The following ANGPT1 variants were observed in gnomAD, a reference collection of about 807,000 sequenced individuals.
ANGPT1 encodes the protein angiopoietin-1.
In ANGPT1, 17 loss-of-function variants were observed where a neutral mutation model predicts 62.2. That is an observed-to-expected ratio of 0.27 (90% CI 0.19 to 0.41). The LOEUF (loss-of-function observed/expected upper bound fraction) is 0.41, where lower values mean the gene tolerates loss of function less well. Ranked by LOEUF, ANGPT1 falls within the 10% of genes least tolerant of loss-of-function variation. The probability of loss-of-function intolerance (pLI) is 1.00; values close to 1 mark genes in which losing one functional copy is unlikely to be tolerated. For missense variants in ANGPT1, 478 were observed against 594.9 expected (o/e 0.80, Z 2.04); for synonymous variants, 199 against 198.9 (o/e 1.00, Z 0.00).
chr8:107,378,440 T>C (rs1273062047), intron 1 of ANGPT1, among the ~76,000 whole-genome samples: 1 of 152,176 alleles, frequency 6.6e-6, no homozygotes, highest in Non-Finnish European at 1.5e-5. Flanking sequence ...AGAAAGAAGG[T>C]ATTATGTACC....
intron 1 of ANGPT1, among the ~76,000 whole-genome samples, chr8:107,484,476 A>C (rs754510263): frequency 6.6e-6 from 1 of 152,092 alleles, no homozygotes; most frequent in Admixed American, 6.6e-5. Flanking sequence ...ATCCCAGCTC[A>C]CTGCAGCCTC....
intron 7 of ANGPT1, among the ~76,000 whole-genome samples, chr8:107,273,651 A>G (rs2130081320): frequency 6.6e-6 from 1 of 152,058 alleles, no homozygotes; most frequent in Admixed American, 6.6e-5. Flanking sequence ...GCCATTAACT[A>G]CCATACTTGC....
intron 5 of ANGPT1, among the ~76,000 whole-genome samples, chr8:107,298,042 T>C (rs1220912144): frequency 6.6e-6 from 1 of 151,904 alleles, no homozygotes; most frequent in African/African-American, 2.4e-5. Flanking sequence ...CTATTGCATT[T>C]ATTGATCATA....
At chr8:107,330,123 T>C (rs1440944906) in intron 3 of ANGPT1, among the ~76,000 whole-genome samples, 1 of 152,174 alleles carries the variant, frequency 6.6e-6, no homozygotes, top group Admixed American at 6.5e-5. Context: ...ATGTCTGAAA[T>C]AACATCATGT....
intron 7 of ANGPT1, among the ~76,000 whole-genome samples, chr8:107,277,197 T>G (rs1813886875): frequency 6.6e-6 from 1 of 152,266 alleles, no homozygotes; most frequent in East Asian, 1.9e-4. Flanking sequence ...GAGGATTTAC[T>G]AATTAAGTTA....
At chr8:107,356,980 T>C (rs1816060284) in intron 1 of ANGPT1, among the ~76,000 whole-genome samples, 1 of 152,182 alleles carries the variant, frequency 6.6e-6, no homozygotes, top group African/African-American at 2.4e-5. Context: ...TATACAAACA[T>C]ACACACAAAT....
intron 1 of ANGPT1, among the ~76,000 whole-genome samples, chr8:107,476,367 T>A (rs1035091139): frequency 6.6e-6 from 1 of 151,942 alleles, no homozygotes; most frequent in African/African-American, 2.4e-5. Flanking sequence ...TTCTCACTCA[T>A]AGGTGGGAAA....
At chr8:107,252,359 A>G (rs888258318) in intron 8 of ANGPT1, among the ~76,000 whole-genome samples, 2 of 152,216 alleles carry the variant, frequency 1.3e-5, no homozygotes, top group Non-Finnish European at 2.9e-5. Context: ...CAAATGCAAT[A>G]AGGAAAATGC....
Position 107,414,256 on chromosome 8 carries a change from T to A in ANGPT1, c.298-67159A>T, listed in dbSNP as rs1431864223. On this transcript the variant is annotated intron_variant, in intron 1 of 8. Coordinates refer to ENST00000517746, the MANE Select transcript of ANGPT1 (RefSeq NM_001146.5). ...CACAGCTTCTGGCAGTCCACATTGATCCAGAGATTTAAAAGTAGGCTAGCT... is the reference window on the plus strand; with the variant it reads ...CACAGCTTCTGGCAGTCCACATTGAACCAGAGATTTAAAAGTAGGCTAGCT... Among the ~76,000 whole-genome samples the A allele has an allele frequency of 2.0e-5, 3 of 152,108 alleles. 1 individual carries two copies. The highest frequency in any genetic ancestry group is 2.0e-4 in the Admixed American group (3 of 15,258).
chr8:107,370,233 A>G, intron 1 of ANGPT1, among the ~76,000 whole-genome samples: 1 of 148,158 alleles, frequency 6.7e-6, no homozygotes, highest in Non-Finnish European at 1.5e-5. Flanking sequence ...AAAGGAAGGA[A>G]GAAGGAAGAA....
At chr8:107,400,005 G>A (rs1817013418) in intron 1 of ANGPT1, among the ~76,000 whole-genome samples, 1 of 152,078 alleles carries the variant, frequency 6.6e-6, no homozygotes, top group African/African-American at 2.4e-5. Context: ...ACACAATAGA[G>A]CCACATGCAC....
chr8:107,320,078 T>C (rs562975941), intron 4 of ANGPT1, among the ~76,000 whole-genome samples: 3 of 152,314 alleles, frequency 2.0e-5, no homozygotes, highest in East Asian at 3.9e-4. Context: ...TTTTTGGATA[T>C]ACTACATCAT....
intron 1 of ANGPT1, among the ~76,000 whole-genome samples, chr8:107,397,380 T>C (rs1380242386): frequency 6.6e-6 from 1 of 152,248 alleles, no homozygotes; most frequent in East Asian, 1.9e-4. Flanking sequence ...TTTTGACTCA[T>C]ACAAATATTT....
intron 5 of ANGPT1, among the ~76,000 whole-genome samples, chr8:107,298,490 A>C (rs1031111915): frequency 1.7e-4 from 26 of 151,820 alleles, no homozygotes; most frequent in African/African-American, 5.8e-4. Context: ...AAATAAACAC[A>C]AGCCATTAAT....
At chr8:107,372,052 G>A (rs1281682039) in intron 1 of ANGPT1, among the ~76,000 whole-genome samples, 2 of 152,062 alleles carry the variant, frequency 1.3e-5, no homozygotes, top group East Asian at 3.9e-4. Context: ...AAAATGTGTT[G>A]TATGATATTA....
intron 8 of ANGPT1, among the ~76,000 whole-genome samples, chr8:107,253,719 G>A (rs377731815): frequency 4.6e-5 from 7 of 152,082 alleles, no homozygotes; most frequent in Admixed American, 2.0e-4. Context: ...AGAGGAGTGC[G>A]GAAAGACAGA....
intron 1 of ANGPT1, among the ~76,000 whole-genome samples, chr8:107,368,358 C>T (rs969364268): frequency 2.0e-5 from 3 of 151,942 alleles, no homozygotes; most frequent in Admixed American, 6.6e-5. Context: ...GATGTGCTGT[C>T]ATTCACGCTG....
At chr8:107,481,686 G>C (rs1285191943) in intron 1 of ANGPT1, among the ~76,000 whole-genome samples, 1 of 152,118 alleles carries the variant, frequency 6.6e-6, no homozygotes, top group African/African-American at 2.4e-5. Flanking sequence ...CAGTGTCTGG[G>C]GGGAGGCCTC....
intron 6 of ANGPT1, among the ~76,000 whole-genome samples, chr8:107,287,442 A>C (rs1814168942): frequency 6.6e-6 from 1 of 152,162 alleles, no homozygotes; most frequent in Non-Finnish European, 1.5e-5. Context: ...TTAGAAACTA[A>C]CATTTATTTC....
Sources: gnomAD v4.1 joint callset for allele counts (sites outside exome capture counted in the v4.1 genomes callset) on GRCh38, gnomAD v4.1.1 for gene constraint, MANE v1.5 for transcripts, NCBI Gene and HGNC (gene_info 2026-07-23, HGNC 2026-07-21) for gene names.